FBXL2: variants seen among roughly 807,000 people sequenced by gnomAD.
FBXL2 encodes F-box/LRR-repeat protein 2.
FBXL2 carries 38 observed loss-of-function variants against 69.2 expected under a neutral mutation model. That is an observed-to-expected ratio of 0.55 (90% CI 0.42 to 0.72). The LOEUF (loss-of-function observed/expected upper bound fraction) is 0.72, where lower values mean the gene tolerates loss of function less well. Among genes scored for constraint, FBXL2 ranks in the 30% least tolerant of loss-of-function variants. FBXL2 has a pLI of 0.00. For synonymous variants in FBXL2, 192 were observed against 201.3 expected (o/e 0.95, Z 0.39); for missense variants, 354 against 520.3 (o/e 0.68, Z 3.11).
intron 1 of FBXL2, among the ~76,000 whole-genome samples, chr3:33,279,181 G>T (rs551945701): frequency 1.0e-3 from 155 of 152,164 alleles, no homozygotes; most frequent in Non-Finnish European, 1.9e-3. Context: ...GATTGATAAG[G>T]TGTCCAGGCT....
chr3:33,321,741 C>T (rs1402261224), intron 2 of FBXL2, among the ~76,000 whole-genome samples: 2 of 152,134 alleles, frequency 1.3e-5, no homozygotes, highest in African/African-American at 4.8e-5. Flanking sequence ...GGCTACACAC[C>T]TGTATGACAT....
intron 1 of FBXL2, among the ~76,000 whole-genome samples, chr3:33,293,599 C>T (rs947063629): frequency 4.6e-5 from 7 of 152,080 alleles, no homozygotes; most frequent in Admixed American, 4.6e-4. Context: ...ACTGCTTCAA[C>T]AGCAAGACAT....
chr3:33,368,391 T>C (rs1019498080), intron 5 of FBXL2, among the ~76,000 whole-genome samples: 4 of 152,258 alleles, frequency 2.6e-5, no homozygotes, highest in African/African-American at 9.6e-5. Flanking sequence ...ACTATGTATA[T>C]AAACATTTAG....
In FBXL2 at chr3:33,326,745, A is replaced by G. The variant is rs529230976; in HGVS notation, c.65+29020A>G. On this transcript the variant is annotated intron_variant, in intron 2 of 14. Coordinates refer to ENST00000484457, the MANE Select transcript of FBXL2 (RefSeq NM_012157.5). ...AATTATCTTCCATATCCAAACTTCA[A>G]AGACTCTAGATGTTTTCACAAAAGA... is the stretch of plus-strand genomic sequence containing the variant. Among the ~76,000 whole-genome samples the G allele has an allele frequency of 4.6e-5, 7 of 152,240 alleles. No homozygotes were observed. In the East Asian group the frequency reaches 1.4e-3, roughly 29 times the overall value.
At chr3:33,299,288 C>A (rs544528426) in intron 2 of FBXL2, among the ~76,000 whole-genome samples, 1 of 152,076 alleles carries the variant, frequency 6.6e-6, no homozygotes, top group Non-Finnish European at 1.5e-5. Context: ...GTAATCCGCC[C>A]GCCTCGGCCT....
At chr3:33,395,750 G>GAAAAAAAAAAAAAAAAAAA (rs61654235) in intron 12 of FBXL2, among the ~76,000 whole-genome samples, 1 of 69,778 alleles carries the variant, frequency 1.4e-5, no homozygotes, top group Non-Finnish European at 2.6e-5. Flanking sequence ...CAGGAAAATT[G>GAAAAAAAAAAAAAAAAAAA]AAAAAAAAAA....
chr3:33,365,213 C>T (rs1462738861), intron 5 of FBXL2, among the ~76,000 whole-genome samples: 2 of 151,766 alleles, frequency 1.3e-5, no homozygotes, highest in African/African-American at 4.8e-5. Context: ...AATTTTATTA[C>T]AGTTAGCAAT....
chr3:33,362,827 A>G (rs1349847954), intron 4 of FBXL2, among the ~76,000 whole-genome samples: 10 of 152,078 alleles, frequency 6.6e-5, no homozygotes, highest in South Asian at 4.1e-4. Flanking sequence ...TAGGTACTTA[A>G]ATATATATCT....
intron 4 of FBXL2, 101 bp downstream of exon 4, chr3:33,359,458 A>G: frequency 1.4e-6 from 1 of 698,588 alleles, no homozygotes; most frequent in Non-Finnish European, 2.3e-6. Flanking sequence ...CTAATATTAA[A>G]GTGCTGAGGT....
intron 2 of FBXL2, among the ~76,000 whole-genome samples, chr3:33,334,762 G>A (rs1057275377): frequency 6.6e-6 from 1 of 152,062 alleles, no homozygotes; most frequent in African/African-American, 2.4e-5. Context: ...GAAAGCTTAA[G>A]ACGACAGAAG....
At chr3:33,314,485 G>A (rs1335857935) in intron 2 of FBXL2, among the ~76,000 whole-genome samples, 1 of 152,124 alleles carries the variant, frequency 6.6e-6, no homozygotes, top group African/African-American at 2.4e-5. Flanking sequence ...TGTCACAAAT[G>A]GCAGGCAGGC....
intron 2 of FBXL2, among the ~76,000 whole-genome samples, chr3:33,346,804 A>G (rs2125874195): frequency 7.0e-6 from 1 of 143,022 alleles, no homozygotes; most frequent in Non-Finnish European, 1.5e-5. Context: ...AAGGAATATT[A>G]TCAACAACTC....
At chr3:33,418,456 G>A in the FBXL2 span, among the ~76,000 whole-genome samples, 6 of 151,820 alleles carry the variant, frequency 4.0e-5, no homozygotes, top group African/African-American at 4.8e-5. Context: ...ACAGGGTTTC[G>A]CCATGTTGGC....
chr3:33,372,915 G>A (rs2042384200), intron 5 of FBXL2, 177 bp from the exon 6 acceptor site: 1 of 644,510 alleles, frequency 1.6e-6, no homozygotes, highest in Admixed American at 2.5e-5. Context: ...ACTGCAGACT[G>A]TCGAGCCCCA....
At chr3:33,398,357 G>A (rs914201781) in intron 12 of FBXL2, 1 of 152,188 alleles carries the variant, frequency 6.6e-6, no homozygotes, top group African/African-American at 2.4e-5. Flanking sequence ...CATTAATAGA[G>A]TCATTTTATA....
chr3:33,385,513 C>G lies in FBXL2; in HGVS notation c.1177C>G (p.His393Asp), dbSNP rs1044138114. 6.2e-7 allele frequency: 1 copy of G among 1,613,952 alleles called. No homozygotes were observed. Among genetic ancestry groups the G allele is most frequent in the Admixed American group, 1.7e-5 (1 of 60,012 alleles). ...GIKRMRAQLP[H>D]VKVHAYFAPV... ...TTCATCCTTCCAGGCTCAGCTCCCT[C>G]ATGTCAAAGTCCACGCCTACTTTGC... Residue 393 changes from histidine to aspartate, a missense_variant, in exon 15 of 15, where the codon CAT (histidine) becomes GAT (aspartate). By Grantham distance (81) the His-to-Asp change is moderately conservative. Transcript: ENST00000484457.
At chr3:33,288,321 T>C (rs528691688) in intron 1 of FBXL2, among the ~76,000 whole-genome samples, 13 of 152,324 alleles carry the variant, frequency 8.5e-5, no homozygotes, top group African/African-American at 2.2e-4. Context: ...ACTGTTCTAG[T>C]CAGTGGATAT....
At position 33,373,289 on chromosome 3, in the gene FBXL2, C is replaced by T. The variant is rs996405875; in HGVS notation, c.389C>T (p.Ser130Phe). The T allele has an allele frequency of 1.1e-5, 18 of 1,614,110 alleles. No individual in the cohort carries two copies. Among genetic ancestry groups the T allele is most frequent in the Non-Finnish European group, 1.4e-5 (17 of 1,179,992 alleles). Residue 130 changes from serine (S) to phenylalanine (F), a missense_variant, in exon 7 of 15, where the codon TCC becomes TTC. By Grantham distance (155) the Ser-to-Phe change is radical (BLOSUM62 -2). Transcript: ENST00000484457. ...TGTTATAGCCTTAGCAGATTCTGTTCCAAGCTGAAACATCTGGATCTGACC... is the reference window on the plus strand; with the variant it reads ...TGTTATAGCCTTAGCAGATTCTGTTTCAAGCTGAAACATCTGGATCTGACC... Reference protein sequence around the residue: ...STCYSLSRFCSKLKHLDLTSC... With the variant: ...STCYSLSRFCFKLKHLDLTSC...
chr3:33,396,036 C>T, intron 12 of FBXL2: 1 of 780,046 alleles, frequency 1.3e-6, no homozygotes, highest in Non-Finnish European at 1.9e-6. Context: ...GCTGTCAAGG[C>T]TCCCACATGA....
Sources: gnomAD v4.1 joint callset for allele counts (sites outside exome capture counted in the v4.1 genomes callset) on GRCh38, gnomAD v4.1.1 for gene constraint, MANE v1.5 for transcripts, NCBI Gene and HGNC (gene_info 2026-07-23, HGNC 2026-07-21) for gene names.